The following GRM5 variants were observed in gnomAD, a reference collection of about 807,000 sequenced individuals.
GRM5 encodes the protein glutamate metabotropic receptor 5.
A neutral mutation model predicts 83.1 loss-of-function variants in GRM5; 19 were observed. That is an observed-to-expected ratio of 0.23 (90% CI 0.16 to 0.34). GRM5 has a LOEUF of 0.34. Among genes scored for constraint, GRM5 ranks in the 10% least tolerant of loss-of-function variants. GRM5 has a pLI of 1.00. For synonymous variants in GRM5, 675 were observed against 633.6 expected (o/e 1.07, Z -0.98); for missense variants, 1,160 against 1,588.3 (o/e 0.73, Z 4.58).
intron 2 of GRM5, among the ~76,000 whole-genome samples, chr11:88,858,451 G>A (rs1178945489): frequency 1.3e-5 from 2 of 151,912 alleles, no homozygotes; most frequent in African/African-American, 4.8e-5. Context: ...ATGCTGAGTT[G>A]GTGAATTTTC....
At chr11:88,758,347 C>T (rs1942439682) in intron 3 of GRM5, among the ~76,000 whole-genome samples, 1 of 152,166 alleles carries the variant, frequency 6.6e-6, no homozygotes, top group Admixed American at 6.5e-5. Context: ...TAAAATGATG[C>T]ATGAGTTGAC....
chr11:88,638,724 C>A (rs575068296), intron 4 of GRM5, among the ~76,000 whole-genome samples: 20 of 152,146 alleles, frequency 1.3e-4, no homozygotes, highest in African/African-American at 4.3e-4. Context: ...ATGTTAATTT[C>A]AATGAATTTT....
At position 88,634,155 on chromosome 11, in the gene GRM5, C is replaced by T. The variant is rs148973819; in HGVS notation, c.1147+19013G>A. ...GGATATTTACAATGAATAGAGCTTG[C>T]AGGACTGGAAGTTGTTCTGGGCAAG... is the stretch of plus-strand genomic sequence containing the variant. On this transcript the variant is annotated intron_variant, in intron 4 of 9. Transcript: ENST00000305447. Among the ~76,000 whole-genome samples the T allele has an allele frequency of 7.1e-3, 1,074 of 152,240 alleles. 15 individuals carry two copies. The highest frequency in any genetic ancestry group is 0.025 in the African/African-American group (1,022 of 41,548).
At chr11:88,638,879 T>G (rs72955091) in intron 4 of GRM5, among the ~76,000 whole-genome samples, 1 of 152,198 alleles carries the variant, frequency 6.6e-6, no homozygotes, top group African/African-American at 2.4e-5. Flanking sequence ...TTCTGATCAA[T>G]TTGATTTTTC....
At chr11:88,539,490 G>T (rs1368414935) in intron 8 of GRM5, among the ~76,000 whole-genome samples, 1 of 152,060 alleles carries the variant, frequency 6.6e-6, no homozygotes, top group African/African-American at 2.4e-5. Context: ...TTTTATAGTT[G>T]TTTCATAATG....
At chr11:88,983,631 C>A (rs1253273337) in intron 2 of GRM5, among the ~76,000 whole-genome samples, 2 of 152,176 alleles carry the variant, frequency 1.3e-5, no homozygotes, top group East Asian at 1.9e-4. Context: ...TCATTAATGA[C>A]AATAAATCAC....
chr11:88,564,011 A>G (rs1266357306), intron 8 of GRM5, among the ~76,000 whole-genome samples: 1 of 152,188 alleles, frequency 6.6e-6, no homozygotes, highest in South Asian at 2.1e-4. Flanking sequence ...TGTGGGTTAA[A>G]AAGGAGAGCA....
intron 2 of GRM5, among the ~76,000 whole-genome samples, chr11:88,979,276 T>C (rs1939447016): frequency 6.6e-6 from 1 of 152,194 alleles, no homozygotes; most frequent in South Asian, 2.1e-4. Context: ...CTAGTCTCAC[T>C]ATCATGATTT....
At chr11:88,515,825 C>A (rs1941504798) in intron 9 of GRM5, among the ~76,000 whole-genome samples, 1 of 152,176 alleles carries the variant, frequency 6.6e-6, no homozygotes. Context: ...CTAGAAGCTG[C>A]TGCAGTCAGG....
At chr11:88,667,278 A>T (rs114994753) in intron 3 of GRM5, among the ~76,000 whole-genome samples, 1,537 of 152,276 alleles carry the variant, frequency 0.01, 16 homozygotes, top group East Asian at 0.068. Flanking sequence ...TCAGATAATT[A>T]GTTTTCCAGG....
At chr11:88,944,497 C>T (rs669480) in intron 2 of GRM5, among the ~76,000 whole-genome samples, 83,941 of 151,594 alleles carry the variant, frequency 0.55, 24,129 homozygotes, top group South Asian at 0.72. Flanking sequence ...TATAGTTACC[C>T]TTTGTGTGTG....
intron 2 of GRM5, among the ~76,000 whole-genome samples, chr11:88,932,571 T>C (rs1937751376): frequency 6.6e-6 from 1 of 151,912 alleles, no homozygotes; most frequent in Non-Finnish European, 1.5e-5. Flanking sequence ...TATATAAATA[T>C]ATAAAAAATA....
At chr11:88,611,946 AATTTATTT>A (rs536731491) in intron 4 of GRM5, among the ~76,000 whole-genome samples, 5 of 151,610 alleles carry the variant, frequency 3.3e-5, no homozygotes, top group East Asian at 1.9e-4. Context: ...AGTTTCAAAG[AATTTATTT>A]ATTTATTTAT....
intron 3 of GRM5, among the ~76,000 whole-genome samples, chr11:88,687,571 A>ATAT (rs1554994023): frequency 2.5e-4 from 7 of 27,584 alleles, no homozygotes; most frequent in Middle Eastern, 0.012. Context: ...TTATATATAT[A>ATAT]TATATATAAT....
At chr11:88,885,624 A>G (rs762327694) in intron 2 of GRM5, among the ~76,000 whole-genome samples, 1 of 151,942 alleles carries the variant, frequency 6.6e-6, no homozygotes, top group African/African-American at 2.4e-5. Flanking sequence ...TCCACAGATA[A>G]CCTGCCTTTA....
At position 89,047,377 on chromosome 11, in the gene GRM5, T is replaced by C. The variant is rs1189304860; in HGVS notation, c.496A>G (p.Asn166Asp). 5.6e-6 allele frequency: 9 copies of C among 1,614,036 alleles called. No individual in the cohort carries two copies. The highest frequency in any genetic ancestry group is 1.7e-5 in the Admixed American group (1 of 59,998). Reference protein sequence around the residue: ...IQVQNLLQLFNIPQIAYSATS... With the variant: ...IQVQNLLQLFDIPQIAYSATS... ...GCTGAGTAAGCAATCTGAGGTATGT[T>C]GAAAAGCTGGAGCAAATTCTGGACC... The change falls in exon 2 of 10, where the codon AAC becomes GAC. Residue 166 changes from asparagine to aspartate, a missense_variant. By Grantham distance (23) the Asn-to-Asp change is conservative. Around this residue, in one of 9 missense-constraint regions of GRM5, gnomAD observed 84 missense variants for 231.0 expected, o/e 0.36. Transcript: ENST00000305447. The surrounding 1 kb of genome is among the most constrained non-coding windows in gnomAD (Gnocchi z 5.1).
At chr11:88,782,891 C>T (rs1374785485) in intron 3 of GRM5, among the ~76,000 whole-genome samples, 1 of 152,006 alleles carries the variant, frequency 6.6e-6, no homozygotes, top group East Asian at 1.9e-4. Flanking sequence ...AGTGCTAAGC[C>T]CTTCACAGAT....
intron 2 of GRM5, among the ~76,000 whole-genome samples, chr11:88,935,114 A>G (rs184362626): frequency 6.6e-6 from 1 of 152,102 alleles, no homozygotes; most frequent in East Asian, 1.9e-4. Flanking sequence ...AAATTAGGAC[A>G]TATAAGGATT....
At chr11:88,684,996 C>G (rs1940583545) in intron 3 of GRM5, among the ~76,000 whole-genome samples, 1 of 152,100 alleles carries the variant, frequency 6.6e-6, no homozygotes, top group Non-Finnish European at 1.5e-5. Flanking sequence ...TGGGATGTTA[C>G]TGAAAAGATA....
Sources: gnomAD v4.1 joint callset for allele counts (sites outside exome capture counted in the v4.1 genomes callset) on GRCh38, gnomAD v4.1.1 for gene constraint, gnomAD v4.1.1 regional missense constraint, Gnocchi (gnomAD v3.1) non-coding constraint, MANE v1.5 for transcripts, NCBI Gene and HGNC (gene_info 2026-07-23, HGNC 2026-07-21) for gene names.